Variants in TTC6 observed in about 807,000 individuals in gnomAD.
The protein encoded by TTC6 is tetratricopeptide repeat domain 6, also known as tetratricopeptide repeat protein 6.
A neutral mutation model predicts 210.4 loss-of-function variants in TTC6; 172 were observed. That is an observed-to-expected ratio of 0.82 (90% CI 0.72 to 0.93). The LOEUF (loss-of-function observed/expected upper bound fraction) is 0.93. TTC6 is among the 40% of genes least tolerant of loss of function. TTC6 has a pLI of 0.00. For synonymous variants in TTC6, 804 were observed against 819.6 expected, an observed-to-expected ratio of 0.98 and a Z score of 0.32; for missense variants, 2,414 against 2,318.1, an observed-to-expected ratio of 1.04 and a Z score of -0.85.
chr14:37,813,620 G>T (rs1261580070), intron 25 of TTC6, among the ~76,000 whole-genome samples: 1 of 152,212 alleles, frequency 6.6e-6, no homozygotes, highest in Non-Finnish European at 1.5e-5. Flanking sequence ...TTCAAAAGAG[G>T]TTAAATAAGG....
At chr14:37,771,575 C>G (rs1418773079) in intron 14 of TTC6, among the ~76,000 whole-genome samples, 3 of 152,142 alleles carry the variant, frequency 2.0e-5, no homozygotes, top group Non-Finnish European at 4.4e-5. Context: ...TGCTGATACC[C>G]TTTCTTCCAG....
chr14:37,783,789 C>A (rs1226720149), intron 14 of TTC6, among the ~76,000 whole-genome samples: 1 of 152,162 alleles, frequency 6.6e-6, no homozygotes, highest in African/African-American at 2.4e-5. Flanking sequence ...TTTCCCTCTA[C>A]ACACTGCTTG....
intron 10 of TTC6, among the ~76,000 whole-genome samples, chr14:37,747,860 A>G (rs907403245): frequency 2.6e-5 from 4 of 152,210 alleles, no homozygotes; most frequent in South Asian, 2.1e-4. Flanking sequence ...GAAAAGGGCA[A>G]TGGCCTTCAG....
chr14:37,755,244 A>C (rs1419898508), intron 14 of TTC6, among the ~76,000 whole-genome samples: 1 of 151,834 alleles, frequency 6.6e-6, no homozygotes, highest in African/African-American at 2.4e-5. Context: ...TTTCTTGTAA[A>C]TTGGTTTAAG....
intron 5 of TTC6, among the ~76,000 whole-genome samples, chr14:37,710,089 A>C (rs2095842261): frequency 6.6e-6 from 1 of 152,108 alleles, no homozygotes. Context: ...GTATGTGAGC[A>C]CTCTTCAAAT....
chr14:37,841,962 A>T (rs938971204), intron 30 of TTC6, among the ~76,000 whole-genome samples, 193 bp from the exon 33 acceptor site: 1 of 152,182 alleles, frequency 6.6e-6, no homozygotes, highest in Non-Finnish European at 1.5e-5. Context: ...TTGCTTAGAA[A>T]GATTCAATAT....
intron 8 of TTC6, among the ~76,000 whole-genome samples, chr14:37,737,063 G>T (rs1885715): frequency 6.6e-6 from 1 of 151,446 alleles, no homozygotes; most frequent in Non-Finnish European, 1.5e-5. Context: ...TGGTCTAGAT[G>T]TTTCTTTATT....
chr14:37,814,448 A>G (rs947140800), intron 25 of TTC6, among the ~76,000 whole-genome samples: 2 of 152,162 alleles, frequency 1.3e-5, no homozygotes, highest in African/African-American at 2.4e-5. Context: ...AAGAATCCCA[A>G]ATAAGTCTAG....
intron 1 of TTC6, among the ~76,000 whole-genome samples, chr14:37,657,760 C>T (rs1014573321): frequency 3.9e-5 from 6 of 152,046 alleles, no homozygotes; most frequent in Non-Finnish European, 8.8e-5. Flanking sequence ...GAGGAAGATG[C>T]CAATTTATCT....
chr14:37,656,655 A>G (rs177870), intron 1 of TTC6, among the ~76,000 whole-genome samples: 70 of 152,090 alleles, frequency 4.6e-4, no homozygotes, highest in African/African-American at 1.6e-3. Context: ...AATGGTTAAG[A>G]GGCTCCAGTG....
At position 37,804,640 on chromosome 14, in the gene TTC6, A is replaced by T. The variant is rs878968553; in HGVS notation, c.4030-40A>T. The T allele has an allele frequency of 1.3e-5, 21 of 1,599,242 alleles. 1 individual carries two copies. The Admixed American group carries it at 3.1e-4, about 24-fold the overall frequency. ...GTAACGTTAAATCAATAGTGGAAAG[A>T]AACATTTCTTGCCCCCTCCCTGCTT... On this transcript the variant is annotated intron_variant, in intron 20 of 30. Transcript: ENST00000553443.
intron 1 of TTC6, among the ~76,000 whole-genome samples, chr14:37,596,287 G>A (rs2095604368): frequency 6.6e-6 from 1 of 152,232 alleles, no homozygotes; most frequent in African/African-American, 2.4e-5. Flanking sequence ...CCCATAACAC[G>A]CGCGTTAGCT....
At chr14:37,629,957 C>T (rs530500441) in intron 1 of TTC6, among the ~76,000 whole-genome samples, 3 of 152,112 alleles carry the variant, frequency 2.0e-5, no homozygotes, top group African/African-American at 4.8e-5. Context: ...GGGATGAAGC[C>T]GACTCGATCA....
At chr14:37,633,783 G>C (rs2095674768) in intron 1 of TTC6, among the ~76,000 whole-genome samples, 1 of 152,150 alleles carries the variant, frequency 6.6e-6, no homozygotes, top group South Asian at 2.1e-4. Context: ...ACAGTAATGA[G>C]ACACTCCTAT....
chr14:37,622,895 C>G, exon 1 of TTC6: 1 of 1,535,134 alleles, frequency 6.5e-7, no homozygotes, highest in African/African-American at 1.4e-5. Flanking sequence ...CCACGTCCAT[C>G]GAAGAGATCA....
chr14:37,744,791 A>G (rs781174016), intron 10 of TTC6, among the ~76,000 whole-genome samples: 1 of 152,152 alleles, frequency 6.6e-6, no homozygotes, highest in African/African-American at 2.4e-5. Context: ...GATCTAGTTT[A>G]TGTTCCAGAA....
At chr14:37,792,784 G>T (rs1416091710) in intron 17 of TTC6, among the ~76,000 whole-genome samples, 1 of 144,514 alleles carries the variant, frequency 6.9e-6, no homozygotes. Flanking sequence ...TGTTGTGTGT[G>T]TGTGTGTGTG....
intron 6 of TTC6, among the ~76,000 whole-genome samples, chr14:37,721,846 C>CAATATATATATATATA (rs2095862230): frequency 2.8e-5 from 1 of 36,214 alleles, no homozygotes; most frequent in Admixed American, 4.1e-4. Flanking sequence ...GTGAGTTTCA[C>CAATATATATATATATA]CATATATATA....
chr14:37,712,686 A>T (rs2095846478), intron 5 of TTC6, among the ~76,000 whole-genome samples: 1 of 152,136 alleles, frequency 6.6e-6, no homozygotes, highest in Non-Finnish European at 1.5e-5. Context: ...AAAGCCCCTT[A>T]TGAAACCATC....
Sources: gnomAD v4.1 joint callset for allele counts (sites outside exome capture counted in the v4.1 genomes callset) on GRCh38, gnomAD v4.1.1 for gene constraint, MANE v1.5 for transcripts, NCBI Gene and HGNC (gene_info 2026-07-23, HGNC 2026-07-21) for gene names.